COL23A1: variants seen among roughly 807,000 people sequenced by gnomAD.
COL23A1 encodes the protein collagen alpha-1(XXIII) chain.
COL23A1 carries 97 observed loss-of-function variants against 99.3 expected under a neutral mutation model. The ratio of observed to expected loss-of-function variants is 0.98; its 90% CI spans 0.83 to 1.16. The LOEUF (loss-of-function observed/expected upper bound fraction) is 1.16. COL23A1 is among the 50% of genes most tolerant of loss of function. The pLI is 0.00. For synonymous variants in COL23A1, 320 were observed against 308.2 expected (o/e 1.04, Z -0.40); for missense variants, 762 against 757.4 (o/e 1.01, Z -0.07).
chr5:178,252,476 G>T lies in COL23A1; in HGVS notation c.1014+68C>A. The T allele has an allele frequency of 2.8e-6, 4 of 1,452,718 alleles. No individual in the cohort carries two copies. The South Asian group carries it at 3.7e-5, about 13-fold the overall frequency. The allele number at this position is 1,452,718 out of a possible 1,614,324, so 90.0% of individuals were successfully genotyped here. On this transcript the variant is annotated intron_variant, in intron 17 of 28. Coordinates refer to ENST00000390654, the MANE Select transcript of COL23A1 (RefSeq NM_173465.4). ...GGAAGTGGAACAGGGTCACAGAGCA[G>T]ACAGGAAGAGGGAGGTGGGCCCTGG...
intron 2 of COL23A1, 36 bp downstream of exon 2, chr5:178,560,646 A>C: frequency 6.3e-7 from 1 of 1,592,356 alleles, no homozygotes; most frequent in Non-Finnish European, 8.6e-7. Context: ...CGGCGGCCGA[A>C]CGCAGGAGCC....
At chr5:178,349,571 C>G (rs1184953017) in intron 2 of COL23A1, among the ~76,000 whole-genome samples, 1 of 149,104 alleles carries the variant, frequency 6.7e-6, no homozygotes, top group Non-Finnish European at 1.5e-5. Context: ...GCCTCCCGTG[C>G]CTCCCGCTTC....
chr5:178,456,963 A>C (rs1308418064), intron 2 of COL23A1, among the ~76,000 whole-genome samples: 1 of 152,188 alleles, frequency 6.6e-6, no homozygotes, highest in African/African-American at 2.4e-5. Flanking sequence ...GAGATAAAAC[A>C]ACACACCCTG....
intron 5 of COL23A1, among the ~76,000 whole-genome samples, chr5:178,275,600 C>A (rs1163193757): frequency 6.6e-6 from 1 of 152,182 alleles, no homozygotes; most frequent in Non-Finnish European, 1.5e-5. Flanking sequence ...TCCCTGACCC[C>A]TTCTCGGAAC....
intron 2 of COL23A1, among the ~76,000 whole-genome samples, chr5:178,449,018 A>G (rs947767890): frequency 5.3e-5 from 8 of 151,874 alleles, no homozygotes; most frequent in African/African-American, 1.9e-4. Context: ...TGGATTAGAG[A>G]TGGGGTCTCC....
intron 2 of COL23A1, among the ~76,000 whole-genome samples, chr5:178,503,199 G>A (rs984183697): frequency 2.4e-4 from 36 of 152,300 alleles, no homozygotes; most frequent in African/African-American, 8.4e-4. Flanking sequence ...TGGCCAACAT[G>A]GTGAAACTCC....
At position 178,590,074 on chromosome 5, in the gene COL23A1, G is replaced by A; in HGVS notation, c.124C>T (p.Leu42=). ...GCAGCCGCCGAGCCCACGGAGAGCA[G>A]CAGGCACAGCGCGCTCACCGCCCGG... ...GSRAVSALCL[L]LSVGSAAACL... is the part of the protein sequence containing the mutation. Residue 42 remains leucine, a synonymous_variant, in exon 1 of 29, where the codon CTG becomes TTG. Coordinates refer to ENST00000390654, the MANE Select transcript of COL23A1 (RefSeq NM_173465.4). The surrounding 1 kb of genome is among the most constrained non-coding windows in gnomAD (Gnocchi z 5.7). 7.5e-7 allele frequency: 1 copy of A among 1,328,274 alleles called. No individual in the cohort carries two copies. The allele number at this position is 1,328,274 out of a possible 1,614,324, so 82.3% of individuals were successfully genotyped here. A position where few individuals can be genotyped will look rare whatever the true frequency, so the allele number is the denominator to read the frequency against.
intron 5 of COL23A1, among the ~76,000 whole-genome samples, chr5:178,283,412 C>T (rs756847324): frequency 2.6e-5 from 4 of 152,176 alleles, no homozygotes; most frequent in Non-Finnish European, 4.4e-5. Flanking sequence ...GCCGGGATCT[C>T]CCCCAAGATC....
At chr5:178,282,601 G>A (rs939235957) in intron 5 of COL23A1, among the ~76,000 whole-genome samples, 2 of 152,194 alleles carry the variant, frequency 1.3e-5, no homozygotes, top group African/African-American at 4.8e-5. Context: ...AGCAGGCCGT[G>A]TGTCTCAGCT....
intron 1 of COL23A1, among the ~76,000 whole-genome samples, chr5:178,585,154 G>T (rs1215214289): frequency 6.6e-6 from 1 of 152,180 alleles, no homozygotes; most frequent in East Asian, 1.9e-4. Flanking sequence ...CCAAAATGTG[G>T]TCCTTGGGAA....
intron 17 of COL23A1, among the ~76,000 whole-genome samples, chr5:178,252,103 C>G (rs1765069216): frequency 6.6e-6 from 1 of 151,878 alleles, no homozygotes; most frequent in Admixed American, 6.6e-5. Context: ...TTAGTAGAGA[C>G]AGAGTTTCAC....
chr5:178,555,800 C>T (rs1288583753), intron 2 of COL23A1, among the ~76,000 whole-genome samples: 3 of 152,162 alleles, frequency 2.0e-5, no homozygotes, highest in Admixed American at 1.3e-4. Context: ...GGGATGCCCC[C>T]GAGTCACTAC....
chr5:178,423,437 C>G (rs1219455447), intron 2 of COL23A1, among the ~76,000 whole-genome samples: 2 of 152,176 alleles, frequency 1.3e-5, no homozygotes, highest in Non-Finnish European at 2.9e-5. Flanking sequence ...CAACACATTA[C>G]AGGAGACATT....
Position 178,272,796 on chromosome 5 carries a change from C to T in COL23A1, c.442-2433G>A, listed in dbSNP as rs1322673465. Among the ~76,000 whole-genome samples, 3 of 152,078 alleles carry T rather than the reference C, an allele frequency of 2.0e-5. No homozygotes were observed. The East Asian group carries it at 5.8e-4, about 29-fold the overall frequency. On this transcript the variant is annotated intron_variant, in intron 5 of 28. Transcript: ENST00000390654. ...TGGGTGTCCTCAAGGTCGCGTCCCA[C>T]TAGGCATCCCCACCTTGGACCCTTC...
rs540956952 is a variant in COL23A1, at chr5:178,441,200, A to C, written c.361+119482T>G. Among the ~76,000 whole-genome samples, 4 of 152,290 alleles carry C rather than the reference A, an allele frequency of 2.6e-5. No individual in the cohort carries two copies. In the South Asian group the frequency reaches 8.3e-4, roughly 32 times the overall value. ...GTCGTATTTTTTTCCCTCTCACACA[A>C]CATGCAAACATTCTTTAAAAAGCTG... On this transcript the variant is annotated intron_variant, in intron 2 of 28. Transcript: ENST00000390654.
intron 1 of COL23A1, among the ~76,000 whole-genome samples, chr5:178,565,238 AAAAC>A (rs1762784163): frequency 2.6e-5 from 4 of 152,244 alleles, no homozygotes; most frequent in Non-Finnish European, 4.4e-5. Flanking sequence ...TTCTCAGTGA[AAAAC>A]AAAAAAGTCT....
At chr5:178,520,931 G>A (rs1416299305) in intron 2 of COL23A1, among the ~76,000 whole-genome samples, 1 of 152,190 alleles carries the variant, frequency 6.6e-6, no homozygotes, top group African/African-American at 2.4e-5. Flanking sequence ...CAACAGGGTT[G>A]TATTCTGACA....
chr5:178,495,471 A>C (rs1758147642), intron 2 of COL23A1, among the ~76,000 whole-genome samples: 1 of 152,236 alleles, frequency 6.6e-6, no homozygotes, highest in Admixed American at 6.5e-5. Context: ...TAATGAATGA[A>C]TGTAAGAACA....
intron 2 of COL23A1, among the ~76,000 whole-genome samples, chr5:178,429,597 C>A (rs1033353914): frequency 9.8e-5 from 15 of 152,296 alleles, no homozygotes; most frequent in African/African-American, 3.1e-4. Context: ...TCTTTTCATG[C>A]GTAAAATGTA....
Sources: allele counts gnomAD v4.1 joint callset (sites outside exome capture counted in the v4.1 genomes callset), GRCh38; gene constraint gnomAD v4.1.1; non-coding constraint Gnocchi (gnomAD v3.1); transcripts MANE v1.5; gene names NCBI Gene and HGNC (gene_info 2026-07-23, HGNC 2026-07-21).